ERAP1: variants seen among roughly 807,000 people sequenced by gnomAD.
The protein encoded by ERAP1 is endoplasmic reticulum aminopeptidase 1.
In ERAP1, 86 loss-of-function variants were observed where a neutral mutation model predicts 103.7. That is an observed-to-expected ratio of 0.83 (90% CI 0.70 to 0.99). The LOEUF (loss-of-function observed/expected upper bound fraction) is 0.99, where lower values mean the gene tolerates loss of function less well. Ranked by LOEUF, ERAP1 falls within the 50% of genes least tolerant of loss-of-function variation. The probability of loss-of-function intolerance (pLI) is 0.00; values close to 1 mark genes in which losing one functional copy is unlikely to be tolerated. For missense variants in ERAP1, 1,009 were observed against 1,128.4 expected, an observed-to-expected ratio of 0.89 and a Z score of 1.52; for synonymous variants, 398 against 402.4, an observed-to-expected ratio of 0.99 and a Z score of 0.13.
chr5:96,785,845 G>C lies in ERAP1; in HGVS notation c.1886C>G (p.Thr629Arg). The change falls in exon 13 of 19, where the codon ACA (threonine) becomes AGA (arginine). Residue 629 changes from threonine (T) to arginine (R), a missense_variant. By Grantham distance (71) the Thr-to-Arg change is moderately conservative (BLOSUM62 -1). Transcript: ENST00000443439. ...SLTGLLKGTHTAVSSNDRASL... is the reference protein window; with the variant it reads ...SLTGLLKGTHRAVSSNDRASL... The stretch of plus-strand genomic sequence containing the variant: ...CGCCCGATCATTACTGCTGACTGCT[G>C]TGTGTGTTCCTTTTAAAAGGCCAGT... The C allele has an allele frequency of 1.2e-6, 2 of 1,614,070 alleles. No individual in the cohort carries two copies. The highest frequency in any genetic ancestry group is 2.2e-5 in the South Asian group (2 of 91,078).
intron 19 of ERAP1, chr5:96,767,973 A>G (rs1303608491): frequency 9.9e-6 from 16 of 1,612,834 alleles, no homozygotes; most frequent in Non-Finnish European, 1.4e-5. Context: ...TCCCTCCACT[A>G]CAGAAACCTC....
chr5:96,801,049 C>T, intron 2 of ERAP1, 49 bp from the exon 3 acceptor site: 1 of 1,603,906 alleles, frequency 6.2e-7, no homozygotes. Flanking sequence ...GCACCAGGAA[C>T]TCTAAAACAG....
chr5:96,908,008 G>A, the ERAP1 span, among the ~76,000 whole-genome samples: 8 of 152,124 alleles, frequency 5.3e-5, no homozygotes, highest in Admixed American at 1.3e-4. Flanking sequence ...GCAAGTCATC[G>A]TGATTGAGAA....
the ERAP1 span, chr5:96,896,394 T>C: frequency 6.2e-7 from 1 of 1,611,162 alleles, no homozygotes; most frequent in South Asian, 1.1e-5. Flanking sequence ...TTTGAATGTG[T>C]GTTTTGAAGT....
the ERAP1 span, among the ~76,000 whole-genome samples, chr5:96,849,262 C>T: frequency 6.6e-6 from 1 of 152,060 alleles, no homozygotes; most frequent in Non-Finnish European, 1.5e-5. Flanking sequence ...ACTGGAAGTC[C>T]TAGCCAGAAC....
At chr5:96,874,884 G>C in the ERAP1 span, among the ~76,000 whole-genome samples, 3 of 152,234 alleles carry the variant, frequency 2.0e-5, no homozygotes, top group African/African-American at 7.2e-5. Flanking sequence ...AGCTAAGCTT[G>C]TTATATTTCA....
At chr5:96,810,286 G>A (rs1001746724), upstream of ERAP1, among the ~76,000 whole-genome samples, 2 of 152,214 alleles carry the variant, frequency 1.3e-5, no homozygotes, top group African/African-American at 4.8e-5. Flanking sequence ...TCTAGAGCCT[G>A]TGAGATCAAA....
the ERAP1 span, among the ~76,000 whole-genome samples, chr5:96,847,928 A>G: frequency 6.6e-6 from 1 of 152,198 alleles, no homozygotes; most frequent in Non-Finnish European, 1.5e-5. Context: ...AGAACAAATT[A>G]AATCCAGAGT....
chr5:96,822,198 A>G, the ERAP1 span, among the ~76,000 whole-genome samples: 1 of 152,210 alleles, frequency 6.6e-6, no homozygotes, highest in African/African-American at 2.4e-5. Flanking sequence ...GGCTTCAAAT[A>G]ATTTCACCTA....
At chr5:96,792,036 A>C in intron 8 of ERAP1, 25 bp downstream of exon 8, 1 of 1,613,084 alleles carries the variant, frequency 6.2e-7, no homozygotes, top group Non-Finnish European at 8.5e-7. Context: ...TCTAAACTGT[A>C]TCCTTATACT....
the ERAP1 span, among the ~76,000 whole-genome samples, chr5:96,835,156 A>T: frequency 6.6e-6 from 1 of 152,228 alleles, no homozygotes; most frequent in Non-Finnish European, 1.5e-5. Flanking sequence ...TTAAGATAAA[A>T]TTATGATATT....
rs7702995 is a variant in ERAP1, at chr5:96,799,104, T to G, written c.663+1758A>C. On this transcript the variant is annotated intron_variant, in intron 3 of 18. Coordinates refer to ENST00000443439, the MANE Select transcript of ERAP1 (RefSeq NM_001040458.3). The stretch of plus-strand genomic sequence containing the variant: ...TGGTCTTGAACTCCTGACCTCAGGT[T>G]ATCCACCTGCCTCAGCCTCCCAAAG... 1.6e-3 allele frequency among the ~76,000 whole-genome samples: 250 copies of G among 151,924 alleles called. 3 individuals are homozygous for G. Among genetic ancestry groups the G allele is most frequent in the African/African-American group, 5.9e-3 (243 of 41,450 alleles).
chr5:96,891,507 A>G, the ERAP1 span, among the ~76,000 whole-genome samples: 4,839 of 45,606 alleles, frequency 0.11, 239 homozygotes, highest in African/African-American at 0.23. Flanking sequence ...GTGTATATAT[A>G]TATATATATG....
intron 3 of ERAP1, 102 bp downstream of exon 3, chr5:96,800,759 TA>T: frequency 7.9e-7 from 1 of 1,271,776 alleles, no homozygotes; most frequent in Non-Finnish European, 1.1e-6. Context: ...TGCCAGGCAA[TA>T]AAACAAAACA....
the ERAP1 span, among the ~76,000 whole-genome samples, chr5:96,882,842 C>T: frequency 6.6e-6 from 1 of 152,188 alleles, no homozygotes; most frequent in Non-Finnish European, 1.5e-5. Flanking sequence ...CTGACAGCTT[C>T]TCTTTTTTCC....
At chr5:96,903,615 T>C in the ERAP1 span, 2 of 1,460,592 alleles carry the variant, frequency 1.4e-6, no homozygotes, top group Non-Finnish European at 1.9e-6. Context: ...TAACCAGATA[T>C]GCTAGACTTC....
At chr5:96,875,997 C>T in the ERAP1 span, 1 of 152,468 alleles carries the variant, frequency 6.6e-6, no homozygotes. Flanking sequence ...ATACAGTCCC[C>T]TCGTGCCCAA....
chr5:96,796,911 C>G (rs1396300825), intron 4 of ERAP1, among the ~76,000 whole-genome samples: 1 of 152,136 alleles, frequency 6.6e-6, no homozygotes, highest in Non-Finnish European at 1.5e-5. Flanking sequence ...TCCCTAGTAG[C>G]TAGGACTAGT....
At chr5:96,831,227 A>T in the ERAP1 span, among the ~76,000 whole-genome samples, 4 of 152,068 alleles carry the variant, frequency 2.6e-5, no homozygotes, top group Admixed American at 2.6e-4. Flanking sequence ...GGTGCTACAC[A>T]CTTTTAAACA....
Sources: allele counts gnomAD v4.1 joint callset (sites outside exome capture counted in the v4.1 genomes callset), GRCh38; gene constraint gnomAD v4.1.1; transcripts MANE v1.5; gene names NCBI Gene and HGNC (gene_info 2026-07-23, HGNC 2026-07-21).